Variants in ENOX1 observed in about 807,000 individuals in gnomAD.
The protein encoded by ENOX1 is ecto-NOX disulfide-thiol exchanger 1, also known as candidate growth-related and time keeping constitutive hydroquinone (NADH) oxidase.
In ENOX1, 42 loss-of-function variants were observed where a neutral mutation model predicts 82.5. The observed-to-expected ratio is 0.51, with a 90% CI of 0.40 to 0.66. The LOEUF (loss-of-function observed/expected upper bound fraction) is 0.66. Ranked by LOEUF, ENOX1 falls within the 30% of genes least tolerant of loss-of-function variation. The pLI is 0.00. For synonymous variants in ENOX1, 271 were observed against 282.2 expected (o/e 0.96, Z 0.40); for missense variants, 608 against 811.6 (o/e 0.75, Z 3.05).
At chr13:43,640,617 T>A (rs533357731) in intron 2 of ENOX1, among the ~76,000 whole-genome samples, 1 of 152,256 alleles carries the variant, frequency 6.6e-6, no homozygotes, top group African/African-American at 2.4e-5. Flanking sequence ...TTTTGTTATA[T>A]AATCCTTTAT....
intron 3 of ENOX1, among the ~76,000 whole-genome samples, chr13:43,446,054 T>C (rs2056634421): frequency 6.6e-6 from 1 of 152,126 alleles, no homozygotes; most frequent in South Asian, 2.1e-4. Context: ...TCTTCCTAAA[T>C]GCCAACCCAC....
chr13:43,591,334 T>G (rs2081236622), intron 2 of ENOX1, among the ~76,000 whole-genome samples: 1 of 152,196 alleles, frequency 6.6e-6, no homozygotes, highest in South Asian at 2.1e-4. Context: ...CTACACAAAT[T>G]AATACAGATA....
intron 3 of ENOX1, among the ~76,000 whole-genome samples, chr13:43,438,672 T>C (rs2056177563): frequency 1.3e-5 from 2 of 152,164 alleles, no homozygotes; most frequent in South Asian, 2.1e-4. Flanking sequence ...GCCACAAAGC[T>C]ATGTTGTATG....
At chr13:43,326,699 C>T (rs1294290658) in intron 9 of ENOX1, among the ~76,000 whole-genome samples, 174 bp from the exon 10 acceptor site, 1 of 152,174 alleles carries the variant, frequency 6.6e-6, no homozygotes, top group Non-Finnish European at 1.5e-5. Context: ...GGGGATGTCT[C>T]CCTTCAAGTC....
chr13:43,336,022 T>G (rs1352776673), intron 9 of ENOX1, among the ~76,000 whole-genome samples: 1 of 152,170 alleles, frequency 6.6e-6, no homozygotes, highest in African/African-American at 2.4e-5. Context: ...TGAGGAGAAA[T>G]AGAAAACCTG....
chr13:43,330,323 T>C (rs1032571290), intron 9 of ENOX1, among the ~76,000 whole-genome samples: 3 of 152,218 alleles, frequency 2.0e-5, no homozygotes, highest in Non-Finnish European at 4.4e-5. Flanking sequence ...CCCTACCCAA[T>C]GCCTTCACCA....
At chr13:43,580,242 ACT>A (rs2080650116) in intron 2 of ENOX1, among the ~76,000 whole-genome samples, 1 of 152,194 alleles carries the variant, frequency 6.6e-6, no homozygotes, top group East Asian at 1.9e-4. Context: ...ATTTATGTTA[ACT>A]GGGTTTTATC....
intron 13 of ENOX1, among the ~76,000 whole-genome samples, chr13:43,266,917 C>T (rs1015560404): frequency 6.6e-6 from 1 of 152,122 alleles, no homozygotes; most frequent in Non-Finnish European, 1.5e-5. Flanking sequence ...ATGTCTGTTC[C>T]ACCTTTACGT....
chr13:43,366,430 A>G (rs2050853706), intron 5 of ENOX1, among the ~76,000 whole-genome samples: 2 of 152,150 alleles, frequency 1.3e-5, no homozygotes, highest in African/African-American at 4.8e-5. Flanking sequence ...GCCCGCCACC[A>G]TGCCTGGCTA....
chr13:43,310,375 G>A (rs1172138615), intron 11 of ENOX1, among the ~76,000 whole-genome samples: 1 of 151,986 alleles, frequency 6.6e-6, no homozygotes, highest in Non-Finnish European at 1.5e-5. Context: ...GTCAGCGATG[G>A]AACAGACTTC....
chr13:43,216,129 C>T (rs759977674), intron 16 of ENOX1, among the ~76,000 whole-genome samples: 2 of 152,018 alleles, frequency 1.3e-5, no homozygotes, highest in East Asian at 3.9e-4. Flanking sequence ...ACCTGGGAGG[C>T]GGAGGTTGCA....
intron 14 of ENOX1, among the ~76,000 whole-genome samples, chr13:43,239,658 T>C (rs1349499268): frequency 6.6e-6 from 1 of 152,218 alleles, no homozygotes; most frequent in Non-Finnish European, 1.5e-5. Flanking sequence ...TTGGGCATGG[T>C]ATAAGCTCAG....
At chr13:43,453,861 A>G (rs2057093003) in intron 3 of ENOX1, among the ~76,000 whole-genome samples, 1 of 152,224 alleles carries the variant, frequency 6.6e-6, no homozygotes. Flanking sequence ...GTTGTACAGG[A>G]AACATGAAGT....
intron 3 of ENOX1, among the ~76,000 whole-genome samples, chr13:43,476,600 C>G (rs910583829): frequency 2.0e-5 from 3 of 152,130 alleles, no homozygotes; most frequent in African/African-American, 7.2e-5. Flanking sequence ...TTCTTTTACT[C>G]TCTCTAGTTT....
chr13:43,771,933 A>ATTTTTTTTTTTTTTTTTTT (rs34718451), intron 1 of ENOX1, among the ~76,000 whole-genome samples: 5 of 101,002 alleles, frequency 5.0e-5, no homozygotes, highest in Non-Finnish European at 7.5e-5. Flanking sequence ...CGCCCGGCTA[A>ATTTTTTTTTTTTTTTTTTT]TTTTTTTTTT....
chr13:43,648,805 C>T (rs895801310), intron 2 of ENOX1, among the ~76,000 whole-genome samples: 3 of 152,164 alleles, frequency 2.0e-5, no homozygotes, highest in Non-Finnish European at 2.9e-5. Flanking sequence ...AGAGTCCCTG[C>T]ATATCATTTT....
chr13:43,352,630 T>G (rs1684387699), intron 8 of ENOX1, among the ~76,000 whole-genome samples: 1 of 152,262 alleles, frequency 6.6e-6, no homozygotes, highest in Non-Finnish European at 1.5e-5. Flanking sequence ...TTCATTAAGT[T>G]GAATTGTCTC....
At chr13:43,538,182 C>T (rs1305826550) in intron 2 of ENOX1, among the ~76,000 whole-genome samples, 1 of 152,252 alleles carries the variant, frequency 6.6e-6, no homozygotes, top group Non-Finnish European at 1.5e-5. Context: ...TAATGCCTAA[C>T]TTAACATCAT....
chr13:43,304,969 C>T (rs2046779075), intron 11 of ENOX1, among the ~76,000 whole-genome samples: 1 of 12,692 alleles, frequency 7.9e-5, no homozygotes. Context: ...AGAAACTCCT[C>T]TGCGTTATGC....
Sources: gnomAD v4.1 joint callset for allele counts (sites outside exome capture counted in the v4.1 genomes callset) on GRCh38, gnomAD v4.1.1 for gene constraint, MANE v1.5 for transcripts, NCBI Gene and HGNC (gene_info 2026-07-23, HGNC 2026-07-21) for gene names.